The following FANCA variants were observed in gnomAD, a reference collection of about 807,000 sequenced individuals.
FANCA encodes FA complementation group A.
A neutral mutation model predicts 194.3 loss-of-function variants in FANCA; 236 were observed. That is an observed-to-expected ratio of 1.21 (90% CI 1.09 to 1.35). The LOEUF is 1.35. FANCA is among the 40% of genes most tolerant of loss of function. The pLI is 0.00. For synonymous variants in FANCA, 1,014 were observed against 715.8 expected, an observed-to-expected ratio of 1.42 and a Z score of -6.65; for missense variants, 2,628 against 1,813.9, an observed-to-expected ratio of 1.45 and a Z score of -8.15.
chr16:89,762,660 G>C, intron 28 of FANCA: 1 of 313,300 alleles, frequency 3.2e-6, no homozygotes, highest in South Asian at 2.4e-5. Context: ...TTGGAAACAG[G>C]TTCTGTTGCC....
chr16:89,752,976 G>T (rs542060496), intron 30 of FANCA, among the ~76,000 whole-genome samples: 2 of 152,150 alleles, frequency 1.3e-5, no homozygotes, highest in Non-Finnish European at 2.9e-5. Context: ...GCAGTTATCC[G>T]GAGGCCTCAC....
chr16:89,779,783 G>A, intron 18 of FANCA, 86 bp downstream of exon 18: 2 of 1,119,804 alleles, frequency 1.8e-6, no homozygotes, highest in African/African-American at 3.1e-5. Flanking sequence ...GCAGGCATCA[G>A]AGCAGAGTCT....
chr16:89,770,711 CCA>C (rs906073939), intron 23 of FANCA, 77 bp from the exon 24 acceptor site: 165 of 1,264,820 alleles, frequency 1.3e-4, no homozygotes, highest in Middle Eastern at 7.3e-4. Flanking sequence ...AGCGCTCCCG[CCA>C]CAGACATCGC....
chr16:89,779,760 G>C (rs1036052479), intron 18 of FANCA, 109 bp downstream of exon 18: 1 of 927,906 alleles, frequency 1.1e-6, no homozygotes, highest in Non-Finnish European at 1.7e-6. Flanking sequence ...TCAGAGCGGA[G>C]TCTGCACACC....
rs750214492 is a variant in FANCA, at chr16:89,738,209, C to T, written c.*392G>A. 1 of 1,610,350 alleles carries T rather than the reference C, an allele frequency of 6.2e-7. No homozygotes were observed. The highest frequency in any genetic ancestry group is 1.1e-5 in the South Asian group (1 of 90,672). Reference sequence around the variant, plus strand: ...CCTGGGCCACCGAGCCCCTCTGTGACCACAGAGGGCCAGGCGGTGAAGCCC... The same window carrying T: ...CCTGGGCCACCGAGCCCCTCTGTGATCACAGAGGGCCAGGCGGTGAAGCCC... On this transcript the variant is annotated 3_prime_UTR_variant, in exon 43 of 43. Transcript: ENST00000389301.
At position 89,800,205 on chromosome 16, in the gene FANCA, A is replaced by G. The variant is rs1189088460; in HGVS notation, c.793-567T>C. On this transcript the variant is annotated intron_variant, in intron 8 of 42. Transcript: ENST00000389301. ...ACGCAGAGTTTTGCTGAAGTACTTC[A>G]GTGAAGAGAGGAAAGCTCAGGCCTT... Among the ~76,000 whole-genome samples the G allele has an allele frequency of 2.0e-5, 3 of 152,338 alleles. No homozygotes were observed. The East Asian group carries it at 5.8e-4, about 29-fold the overall frequency.
intron 8 of FANCA, among the ~76,000 whole-genome samples, chr16:89,802,533 C>T (rs1255796695): frequency 1.3e-5 from 2 of 152,196 alleles, no homozygotes; most frequent in Admixed American, 6.5e-5. Flanking sequence ...TCCTGAGTGG[C>T]TGGGTCCACA....
chr16:89,806,480 GGC>G (rs2040652308), intron 6 of FANCA, among the ~76,000 whole-genome samples: 1 of 151,276 alleles, frequency 6.6e-6, no homozygotes, highest in Non-Finnish European at 1.5e-5. Flanking sequence ...GGTTTTCCTA[GGC>G]AGAGGACCCT....
chr16:89,743,600 G>A (rs1368056271), intron 36 of FANCA, among the ~76,000 whole-genome samples: 1 of 152,174 alleles, frequency 6.6e-6, no homozygotes, highest in Non-Finnish European at 1.5e-5. Flanking sequence ...GAGGCAGGCA[G>A]ATCACCTGAG....
intron 14 of FANCA, chr16:89,791,015 GTGTGTGTGTTTTTTT>G (rs2040052626): frequency 3.8e-6 from 1 of 261,786 alleles, no homozygotes; most frequent in African/African-American, 3.1e-5. Flanking sequence ...TTGTGTGTGT[GTGTGTGTGTTTTTTT>G]TTTTTTTTTT....
intron 39 of FANCA, chr16:89,739,758 T>C (rs1598054206): frequency 4.0e-6 from 6 of 1,483,640 alleles, no homozygotes; most frequent in Non-Finnish European, 5.4e-6. Context: ...GGAGGGTGGG[T>C]GTGGTGCAGA....
chr16:89,755,043 C>T (rs1393926543), intron 30 of FANCA, among the ~76,000 whole-genome samples: 2 of 152,082 alleles, frequency 1.3e-5, no homozygotes, highest in Non-Finnish European at 2.9e-5. Context: ...ACATACAGAC[C>T]AAGGGAACAC....
intron 32 of FANCA, among the ~76,000 whole-genome samples, chr16:89,749,523 G>A (rs943555105): frequency 2.0e-5 from 3 of 152,226 alleles, no homozygotes; most frequent in Admixed American, 6.5e-5. Flanking sequence ...CACCTCGCTT[G>A]GCTGGAAGGT....
chr16:89,773,125 C>T (rs920041183), intron 22 of FANCA, 146 bp downstream of exon 22: 54 of 703,640 alleles, frequency 7.7e-5, no homozygotes, highest in African/African-American at 4.0e-4. Flanking sequence ...GTTCCACACC[C>T]GCCAGCCCGG....
At chr16:89,754,623 C>A (rs1404100742) in intron 30 of FANCA, among the ~76,000 whole-genome samples, 1 of 152,092 alleles carries the variant, frequency 6.6e-6, no homozygotes, top group Non-Finnish European at 1.5e-5. Flanking sequence ...CCCACTTCAC[C>A]CTCCCAAAGT....
At chr16:89,746,973 G>C in intron 33 of FANCA, 83 bp from the exon 34 acceptor site, 1 of 1,322,022 alleles carries the variant, frequency 7.6e-7, no homozygotes, top group Non-Finnish European at 1.1e-6. Context: ...TGTGGATTCA[G>C]TTTTGAGAAA....
intron 24 of FANCA, 28 bp downstream of exon 24, chr16:89,770,535 AC>A (rs1209288955): frequency 6.3e-7 from 1 of 1,579,628 alleles, no homozygotes; most frequent in Admixed American, 1.8e-5. Context: ...GAGGAGCCCC[AC>A]CACTCAGGGA....
At chr16:89,748,477 C>T (rs2038467428) in intron 33 of FANCA, among the ~76,000 whole-genome samples, 182 bp downstream of exon 33, 1 of 152,208 alleles carries the variant, frequency 6.6e-6, no homozygotes, top group Non-Finnish European at 1.5e-5. Flanking sequence ...ATGTGCTGGT[C>T]GCCGTCCTGG....
intron 18 of FANCA, among the ~76,000 whole-genome samples, chr16:89,779,658 G>GTC (rs2039634675): frequency 6.6e-6 from 1 of 152,156 alleles, no homozygotes; most frequent in Non-Finnish European, 1.5e-5. Context: ...CCTGACTCCT[G>GTC]TCTCTCTCTG....
Sources: allele counts gnomAD v4.1 joint callset (sites outside exome capture counted in the v4.1 genomes callset), GRCh38; gene constraint gnomAD v4.1.1; transcripts MANE v1.5; gene names NCBI Gene and HGNC (gene_info 2026-07-23, HGNC 2026-07-21).